DEFB1: variants seen among roughly 807,000 people sequenced by gnomAD.
The protein encoded by DEFB1 is defensin beta 1, also known as beta-defensin 1.
Under a neutral mutation model 2.6 loss-of-function variants are expected in DEFB1, and 4 were observed. The ratio of observed to expected loss-of-function variants is 1.53; its 90% CI spans 0.76 to 3.51. The LOEUF (loss-of-function observed/expected upper bound fraction) is 3.51. Ranked by LOEUF, DEFB1 falls within the 30% of genes most tolerant of loss-of-function variation. DEFB1 has a pLI of 0.01. For missense variants in DEFB1, 162 were observed against 76.9 expected (o/e 2.11, Z -4.14); for synonymous variants, 56 against 28.5 (o/e 1.96, Z -3.07).
At position 6,870,846 on chromosome 8, in the gene DEFB1, A is replaced by G; in HGVS notation, c.62-20T>C. 6.2e-7 allele frequency: 1 copy of G among 1,604,256 alleles called. No individual in the cohort carries two copies. Among genetic ancestry groups the G allele is most frequent in the Non-Finnish European group, 8.5e-7 (1 of 1,175,392 alleles). On this transcript the variant is annotated intron_variant, in intron 1 of 1. Coordinates refer to ENST00000297439, the MANE Select transcript of DEFB1 (RefSeq NM_005218.4). ...TACCACCTGTAAGGAGGGAACACAAACACTTCAGACTCATGGCTTGTAGCT... is the reference window on the plus strand; with the variant it reads ...TACCACCTGTAAGGAGGGAACACAAGCACTTCAGACTCATGGCTTGTAGCT...
At chr8:6,876,302 C>G (rs530425192) in intron 1 of DEFB1, among the ~76,000 whole-genome samples, 1 of 152,126 alleles carries the variant, frequency 6.6e-6, no homozygotes, top group South Asian at 2.1e-4. Context: ...TGGTGAAACC[C>G]CGTCTGTACT....
intron 1 of DEFB1, among the ~76,000 whole-genome samples, chr8:6,875,106 A>C (rs867644715): frequency 7.5e-6 from 1 of 134,204 alleles, no homozygotes; most frequent in African/African-American, 2.7e-5. Context: ...ACACACACAC[A>C]CACCCCATTG....
At chr8:6,871,958 G>C (rs952120902) in intron 1 of DEFB1, among the ~76,000 whole-genome samples, 5 of 152,190 alleles carry the variant, frequency 3.3e-5, no homozygotes, top group African/African-American at 1.2e-4. Context: ...CTAGGAGACA[G>C]TACATTCTCA....
chr8:6,874,375 T>C (rs1806440207), intron 1 of DEFB1, among the ~76,000 whole-genome samples: 2 of 152,166 alleles, frequency 1.3e-5, no homozygotes, highest in Non-Finnish European at 2.9e-5. Flanking sequence ...AAATTAATCT[T>C]CTGGTTCAAC....
chr8:6,870,599 C>G lies in DEFB1; in HGVS notation c.*82G>C. ...ATTTTGGCCCAAAGGAGGTATACTT[C>G]AAAAGCAATTTTCCTTTATTAAAAG... On this transcript the variant is annotated 3_prime_UTR_variant, in exon 2 of 2. Coordinates refer to ENST00000297439, the MANE Select transcript of DEFB1 (RefSeq NM_005218.4). The G allele has an allele frequency of 6.4e-7, 1 of 1,550,782 alleles. No homozygotes were observed. Among genetic ancestry groups the G allele is most frequent in the Non-Finnish European group, 8.7e-7 (1 of 1,148,226 alleles).
chr8:6,876,167 A>G (rs1055419190), intron 1 of DEFB1, among the ~76,000 whole-genome samples: 2 of 152,158 alleles, frequency 1.3e-5, no homozygotes. Flanking sequence ...GCATGAAGTA[A>G]TATTTTCTAT....
At chr8:6,876,003 T>C (rs1806513088) in intron 1 of DEFB1, among the ~76,000 whole-genome samples, 1 of 152,128 alleles carries the variant, frequency 6.6e-6, no homozygotes, top group Admixed American at 6.5e-5. Context: ...AAAACAAAAA[T>C]TCTTTATGTT....
chr8:6,874,176 G>T (rs1350439073), intron 1 of DEFB1, among the ~76,000 whole-genome samples: 2 of 151,256 alleles, frequency 1.3e-5, no homozygotes, highest in African/African-American at 2.4e-5. Context: ...CACTTTGTAG[G>T]TATTAGAGAA....
At chr8:6,875,064 CCACACACACACACACACACACACA>C (rs61101914) in intron 1 of DEFB1, among the ~76,000 whole-genome samples, 1 of 135,636 alleles carries the variant, frequency 7.4e-6, no homozygotes, top group East Asian at 2.2e-4. Context: ...CATACCGAAG[CCACACACACACACACACACACACA>C]CACACACACA....
intron 1 of DEFB1, among the ~76,000 whole-genome samples, chr8:6,875,097 CACACACACA>C (rs1563397702): frequency 5.0e-4 from 76 of 151,624 alleles, no homozygotes; most frequent in African/African-American, 1.7e-3. Context: ...CACACACACA[CACACACACA>C]CACCCCATTG....
chr8:6,872,790 C>T (rs901782266), intron 1 of DEFB1, among the ~76,000 whole-genome samples: 12 of 152,242 alleles, frequency 7.9e-5, no homozygotes, highest in East Asian at 1.9e-4. Flanking sequence ...TTAATAATCT[C>T]GCCATAATGT....
chr8:6,872,792 C>T (rs1806368893), intron 1 of DEFB1, among the ~76,000 whole-genome samples: 1 of 152,146 alleles, frequency 6.6e-6, no homozygotes, highest in Non-Finnish European at 1.5e-5. Context: ...AATAATCTCG[C>T]CATAATGTTG....
At position 6,877,861 on chromosome 8, in the gene DEFB1, G is replaced by A. The variant is rs369931101; in HGVS notation, c.-4C>T. The A allele has an allele frequency of 1.7e-4, 268 of 1,613,896 alleles. No homozygotes were observed. The African/African-American group carries it at 2.2e-3, about 13-fold the overall frequency. On this transcript the variant is annotated 5_prime_UTR_variant, in exon 1 of 2. Coordinates refer to ENST00000297439, the MANE Select transcript of DEFB1 (RefSeq NM_005218.4). ...GCAGAAGGTAGGAAGTTCTCATGGC[G>A]ACTGGCAGGCAACACCCAGGATTTC... is the stretch of plus-strand genomic sequence containing the variant.
chr8:6,873,517 C>T (rs5743473), intron 1 of DEFB1, among the ~76,000 whole-genome samples: 1,867 of 152,298 alleles, frequency 0.012, 24 homozygotes, highest in Non-Finnish European at 0.019. Flanking sequence ...GAGGAGACTA[C>T]GCAGCCATAA....
intron 1 of DEFB1, among the ~76,000 whole-genome samples, chr8:6,871,970 G>C (rs986163791): frequency 6.6e-6 from 1 of 152,194 alleles, no homozygotes; most frequent in Non-Finnish European, 1.5e-5. Context: ...ACATTCTCAT[G>C]TTGCAGATCT....
At chr8:6,873,159 C>G (rs954358803) in intron 1 of DEFB1, among the ~76,000 whole-genome samples, 14 of 152,290 alleles carry the variant, frequency 9.2e-5, no homozygotes, top group African/African-American at 3.4e-4. Context: ...TTAATTCAAC[C>G]TTTCTGTGAT....
At chr8:6,871,943 C>G (rs1806336170) in intron 1 of DEFB1, among the ~76,000 whole-genome samples, 1 of 152,188 alleles carries the variant, frequency 6.6e-6, no homozygotes, top group Non-Finnish European at 1.5e-5. Context: ...GAGGCCATCG[C>G]TACCCTAGGA....
At chr8:6,871,858 C>G (rs910657835) in intron 1 of DEFB1, among the ~76,000 whole-genome samples, 10 of 152,156 alleles carry the variant, frequency 6.6e-5, no homozygotes, top group African/African-American at 2.2e-4. Flanking sequence ...AAATAAATTT[C>G]TGTTGTTTAA....
chr8:6,875,376 G>A (rs572041782), intron 1 of DEFB1, among the ~76,000 whole-genome samples: 1 of 152,200 alleles, frequency 6.6e-6, no homozygotes, highest in South Asian at 2.1e-4. Flanking sequence ...GTATATAATT[G>A]ACAAAAGGCT....
Sources: allele counts gnomAD v4.1 joint callset (sites outside exome capture counted in the v4.1 genomes callset), GRCh38; gene constraint gnomAD v4.1.1; transcripts MANE v1.5; gene names NCBI Gene and HGNC (gene_info 2026-07-23, HGNC 2026-07-21).